RALB: variants seen among roughly 807,000 people sequenced by gnomAD.
The protein encoded by RALB is RAS like proto-oncogene B.
A neutral mutation model predicts 21.3 loss-of-function variants in RALB; 16 were observed. That is an observed-to-expected ratio of 0.75 (90% CI 0.51 to 1.14). RALB has a LOEUF of 1.14. RALB is among the 50% of genes most tolerant of loss of function. RALB has a pLI of 0.00. For missense variants in RALB, 161 were observed against 256.2 expected (o/e 0.63, Z 2.54); for synonymous variants, 93 against 96.1 (o/e 0.97, Z 0.19).
At chr2:120,242,158 A>C (rs558625805) in intron 1 of RALB, among the ~76,000 whole-genome samples, 97 of 152,356 alleles carry the variant, frequency 6.4e-4, no homozygotes, top group African/African-American at 2.3e-3. Context: ...CCAGTCATGA[A>C]AAGACAAATA....
chr2:120,258,686 G>A (rs1689259551), intron 1 of RALB, among the ~76,000 whole-genome samples: 1 of 152,192 alleles, frequency 6.6e-6, no homozygotes, highest in Non-Finnish European at 1.5e-5. Context: ...AGAAGTGCAT[G>A]GCTTTGAAAT....
At chr2:120,257,486 C>CA (rs1689227827) in intron 1 of RALB, among the ~76,000 whole-genome samples, 1 of 148,674 alleles carries the variant, frequency 6.7e-6, no homozygotes, top group South Asian at 2.2e-4. Context: ...AAGTCCCTTC[C>CA]ATCTCTGAAA....
upstream of RALB, among the ~76,000 whole-genome samples, chr2:120,249,607 A>AC (rs34013380): frequency 0.032 from 4,863 of 152,136 alleles, 137 homozygotes; most frequent in East Asian, 0.078. Flanking sequence ...CAGAGCAAGA[A>AC]CTCACTCATT....
At position 120,289,622 on chromosome 2, in the gene RALB, AC is replaced by A; in HGVS notation, c.367del (p.Leu123CysfsTer10). On this transcript the variant is annotated frameshift_variant, in exon 4 of 5. Transcript: ENST00000272519. LOFTEE classifies it high-confidence loss of function. Reference sequence around the variant, plus strand: ...TGAAGGCTGAAGAAGATAAAATTCCACTGCTCGTCGTGGGAAACAAGTCTGA... The same window carrying A: ...TGAAGGCTGAAGAAGATAAAATTCCATGCTCGTCGTGGGAAACAAGTCTGA... Reference protein sequence around the residue: ...RVKAEEDKIPLLVVGNKSDLE... With the variant: ...RVKAEEDKIPXLVVGNKSDLE... The A allele has an allele frequency of 6.2e-7, 1 of 1,614,182 alleles. No homozygotes were observed. The highest frequency in any genetic ancestry group is 8.5e-7 in the Non-Finnish European group (1 of 1,179,998).
At chr2:120,249,739 C>T (rs968154129), upstream of RALB, among the ~76,000 whole-genome samples, 5 of 152,226 alleles carry the variant, frequency 3.3e-5, no homozygotes, top group Non-Finnish European at 7.3e-5. Flanking sequence ...AGGGGACACA[C>T]ATCCAAACCA....
intron 1 of RALB, among the ~76,000 whole-genome samples, chr2:120,259,745 C>T (rs909069836): frequency 7.2e-5 from 11 of 152,358 alleles, no homozygotes; most frequent in African/African-American, 2.6e-4. Context: ...CTGCGCCATG[C>T]ACTTGCATTC....
chr2:120,285,614 A>T (rs4849848), intron 2 of RALB, among the ~76,000 whole-genome samples: 105,914 of 152,024 alleles, frequency 0.7, 37,520 homozygotes, highest in Middle Eastern at 0.8. Context: ...GTTTGCATTA[A>T]AATTTTATAC....
intron 1 of RALB, among the ~76,000 whole-genome samples, chr2:120,274,861 G>T (rs898047549): frequency 4.0e-5 from 6 of 151,882 alleles, no homozygotes; most frequent in African/African-American, 1.5e-4. Context: ...TATAATATTT[G>T]CCTGAAGAGT....
At chr2:120,253,383 C>T (rs924959540) in intron 1 of RALB, 19 of 985,416 alleles carry the variant, frequency 1.9e-5, no homozygotes, top group Non-Finnish European at 2.3e-5. Flanking sequence ...AAAAACTTAA[C>T]TGCCCTCGGA....
At chr2:120,243,538 G>T (rs989851082) in intron 1 of RALB, among the ~76,000 whole-genome samples, 41 of 152,268 alleles carry the variant, frequency 2.7e-4, no homozygotes, top group African/African-American at 8.4e-4. Flanking sequence ...CTCACTGGGG[G>T]ATCTTTTCAC....
rs188752832 is a variant in RALB, at chr2:120,247,108, T to C, written c.19+6983T>C. ...AGGTCGGTACCAGATCTGCAGCTGT[T>C]GTTCCCGTGCAGGTTGTGGGAAGCC... On this transcript the variant is annotated intron_variant, in intron 1 of 3. Transcript: ENST00000447591. Among the ~76,000 whole-genome samples the C allele has an allele frequency of 1.8e-4, 27 of 152,268 alleles. No individual in the cohort carries two copies. The East Asian group carries it at 5.0e-3, about 28-fold the overall frequency.
intron 4 of RALB, among the ~76,000 whole-genome samples, chr2:120,290,504 C>T (rs539735579): frequency 1.3e-5 from 2 of 152,328 alleles, no homozygotes; most frequent in Admixed American, 1.3e-4. Context: ...CTTGATTTTG[C>T]TCTCATTGAG....
intron 1 of RALB, among the ~76,000 whole-genome samples, chr2:120,241,907 C>T (rs28768681): frequency 0.058 from 8,799 of 152,204 alleles, 867 homozygotes; most frequent in African/African-American, 0.2. Context: ...CTGGCAGTTC[C>T]ACTTCTGAGT....
At chr2:120,284,664 A>G (rs1339178742) in intron 2 of RALB, among the ~76,000 whole-genome samples, 1 of 152,138 alleles carries the variant, frequency 6.6e-6, no homozygotes, top group East Asian at 1.9e-4. Flanking sequence ...CCTAAAGTGT[A>G]CAATTTAATA....
At chr2:120,278,395 G>C (rs751344312) in intron 1 of RALB, among the ~76,000 whole-genome samples, 1 of 152,164 alleles carries the variant, frequency 6.6e-6, no homozygotes, top group Non-Finnish European at 1.5e-5. Flanking sequence ...TGGGGTGTGC[G>C]CTCCTGTTTC....
rs113673408 is a variant in RALB, at chr2:120,294,678, CT to C, written c.*1427del. 1.6e-4 allele frequency: 26 copies of C among 158,738 alleles called. No homozygotes were observed. Among genetic ancestry groups the C allele is most frequent in the Non-Finnish European group, 2.6e-4 (19 of 72,880 alleles). 9.8% of individuals were successfully genotyped at this position (158,738 alleles called of 1,614,324 possible). On this transcript the variant is annotated 3_prime_UTR_variant, in exon 5 of 5. Transcript: ENST00000272519. ...GTATCCCCTCCCAAAGAATCATGGGCTTTTTTTTTGAATAAAAAAGCAGACA... is the reference window on the plus strand; with the variant it reads ...GTATCCCCTCCCAAAGAATCATGGGCTTTTTTTTGAATAAAAAAGCAGACA...
At position 120,246,969 on chromosome 2, in the gene RALB, T is replaced by C. The variant is rs145665360; in HGVS notation, c.19+6844T>C. On this transcript the variant is annotated intron_variant, in intron 1 of 3. Coordinates refer to the RALB transcript ENST00000447591. ...TGGCTTCCTGGTAGGCTGCAAATCA[T>C]ATTTCACTTTGGAAAGAGCTCAGCG... Among the ~76,000 whole-genome samples the C allele has an allele frequency of 2.0e-5, 3 of 152,368 alleles. No homozygotes were observed. The East Asian group carries it at 5.8e-4, about 29-fold the overall frequency.
intron 1 of RALB, chr2:120,253,325 C>G (rs913372303): frequency 1.6e-5 from 15 of 917,960 alleles, no homozygotes; most frequent in Non-Finnish European, 2.0e-5. Context: ...TCCACTTCCT[C>G]AGTCCTCCGG....
intron 1 of RALB, among the ~76,000 whole-genome samples, chr2:120,269,931 A>G (rs752906304): frequency 6.6e-6 from 1 of 152,100 alleles, no homozygotes; most frequent in Non-Finnish European, 1.5e-5. Flanking sequence ...AGTAGTATTC[A>G]TTTCCCCAAA....
Sources: gnomAD v4.1 joint callset for allele counts (sites outside exome capture counted in the v4.1 genomes callset) on GRCh38, gnomAD v4.1.1 for gene constraint, MANE v1.5 for transcripts, NCBI Gene and HGNC (gene_info 2026-07-23, HGNC 2026-07-21) for gene names.